MATCAP1: variants seen among roughly 807,000 people sequenced by gnomAD.
MATCAP1 encodes the protein microtubule associated tyrosine carboxypeptidase 1, also known as microtubule-associated tyrosine carboxypeptidase 1.
chr16:67,181,796 G>C, the MATCAP1 span: 1 of 152,220 alleles, frequency 6.6e-6, no homozygotes, highest in Non-Finnish European at 1.5e-5. Context: ...CACATACCTC[G>C]AGTCATCTAT....
chr16:67,183,772 G>A, the MATCAP1 span: 11 of 165,346 alleles, frequency 6.7e-5, no homozygotes, highest in Admixed American at 7.1e-4. Context: ...GTGGGGCCAG[G>A]AGACAATGGA....
the MATCAP1 span, chr16:67,179,719 G>A: frequency 1.3e-6 from 2 of 1,551,948 alleles, no homozygotes; most frequent in South Asian, 1.2e-5. The surrounding 1 kb of genome is among the most constrained non-coding windows in gnomAD (Gnocchi z 5.2). Flanking sequence ...CTGGGGCAGG[G>A]GCAGGGGTGG....
the MATCAP1 span, among the ~76,000 whole-genome samples, chr16:67,182,816 C>T: frequency 1.3e-5 from 2 of 152,226 alleles, no homozygotes; most frequent in Non-Finnish European, 2.9e-5. Flanking sequence ...TAAACCTCCT[C>T]TCCCCTCTCC....
At chr16:67,178,429 A>C in the MATCAP1 span, 1 of 1,539,392 alleles carries the variant, frequency 6.5e-7, no homozygotes, top group Non-Finnish European at 8.7e-7. Context: ...CGCCGGCCGC[A>C]GCCCGTACCG....
the MATCAP1 span, chr16:67,179,714 G>T: frequency 1.3e-6 from 2 of 1,534,726 alleles, no homozygotes; most frequent in Non-Finnish European, 9.0e-7. This position sits in a 1 kb window ranked among gnomAD's most constrained non-coding sequence, Gnocchi z 5.2. Context: ...CCTCACTGGG[G>T]CAGGGGCAGG....
At chr16:67,177,037 C>G in the MATCAP1 span, 1 of 1,415,186 alleles carries the variant, frequency 7.1e-7, no homozygotes, top group Non-Finnish European at 9.4e-7. Context: ...GTAGCTGGTC[C>G]CAGCCCACTG....
At chr16:67,180,615 T>C in the MATCAP1 span, 6 of 1,507,752 alleles carry the variant, frequency 4.0e-6, no homozygotes, top group South Asian at 1.3e-5. Context: ...CACCATTCTG[T>C]CCTGGGGGTC....
the MATCAP1 span, chr16:67,176,729 C>G: frequency 7.5e-7 from 1 of 1,325,876 alleles, no homozygotes; most frequent in Non-Finnish European, 1.0e-6. The surrounding 1 kb of genome is among the most constrained non-coding windows in gnomAD (Gnocchi z 4.3). Flanking sequence ...AGGCCGTGGA[C>G]GCACAGAGCA....
chr16:67,181,026 C>T, the MATCAP1 span, among the ~76,000 whole-genome samples: 4 of 152,138 alleles, frequency 2.6e-5, no homozygotes, highest in Non-Finnish European at 4.4e-5. Flanking sequence ...CGCACCCAGC[C>T]GAAAGCAAGA....
chr16:67,181,025 C>A, the MATCAP1 span, among the ~76,000 whole-genome samples: 1 of 152,208 alleles, frequency 6.6e-6, no homozygotes, highest in South Asian at 2.1e-4. Context: ...TCGCACCCAG[C>A]CGAAAGCAAG....
the MATCAP1 span, chr16:67,179,084 G>A: frequency 3.4e-6 from 4 of 1,178,354 alleles, no homozygotes; most frequent in Non-Finnish European, 4.2e-6. This position sits in a 1 kb window ranked among gnomAD's most constrained non-coding sequence, Gnocchi z 5.2. Context: ...TGGAGGGCCA[G>A]CGTGGTGGCT....
the MATCAP1 span, among the ~76,000 whole-genome samples, chr16:67,177,475 C>T: frequency 5.9e-5 from 9 of 152,204 alleles, no homozygotes; most frequent in East Asian, 3.8e-4. Flanking sequence ...TCCAACCCAG[C>T]GGCCACTGCC....
chr16:67,178,948 C>G, the MATCAP1 span: 27 of 419,372 alleles, frequency 6.4e-5, no homozygotes, highest in South Asian at 2.8e-4. Context: ...GGAAGAGGGA[C>G]AGACAGATAG....
At chr16:67,180,593 C>T in the MATCAP1 span, 2 of 1,520,152 alleles carry the variant, frequency 1.3e-6, no homozygotes, top group South Asian at 1.3e-5. Context: ...ACGCCTGAGC[C>T]CCTGAGTCCA....
the MATCAP1 span, chr16:67,178,070 G>A: frequency 1.9e-6 from 3 of 1,614,192 alleles, no homozygotes; most frequent in South Asian, 3.3e-5. Context: ...GAATGCGCAC[G>A]ATGCCGTCCA....
chr16:67,182,143 G>C, the MATCAP1 span, among the ~76,000 whole-genome samples: 1 of 152,094 alleles, frequency 6.6e-6, no homozygotes, highest in African/African-American at 2.4e-5. Context: ...CAGCTACTCG[G>C]GAGGCTGAGG....
chr16:67,178,221 G>C, the MATCAP1 span: 11 of 1,542,574 alleles, frequency 7.1e-6, no homozygotes, highest in Middle Eastern at 1.7e-4. Context: ...TGTCGGTCTG[G>C]CCGCGCTTGG....
chr16:67,177,883 C>G, the MATCAP1 span: 1 of 772,068 alleles, frequency 1.3e-6, no homozygotes, highest in Non-Finnish European at 2.2e-6. Flanking sequence ...CTCACTTCCA[C>G]CCACGCTCCC....
the MATCAP1 span, among the ~76,000 whole-genome samples, chr16:67,182,296 G>A: frequency 1.3e-5 from 2 of 149,474 alleles, no homozygotes; most frequent in Non-Finnish European, 3.0e-5. Context: ...GAAACATGCT[G>A]TCCACTTGGT....
Sources: allele counts gnomAD v4.1 joint callset (sites outside exome capture counted in the v4.1 genomes callset), GRCh38; gene constraint gnomAD v4.1.1; non-coding constraint Gnocchi (gnomAD v3.1); transcripts MANE v1.5; gene names NCBI Gene and HGNC (gene_info 2026-07-23, HGNC 2026-07-21).